The following PTPRT variants were observed in gnomAD, a reference collection of about 807,000 sequenced individuals.
PTPRT encodes the protein protein tyrosine phosphatase receptor type T.
PTPRT carries 56 observed loss-of-function variants against 176.8 expected under a neutral mutation model. The ratio of observed to expected loss-of-function variants is 0.32; its 90% CI spans 0.26 to 0.40. The LOEUF (loss-of-function observed/expected upper bound fraction) is 0.40, where lower values mean the gene tolerates loss of function less well. PTPRT is among the 10% of genes least tolerant of loss of function. The probability of loss-of-function intolerance (pLI) is 1.00; values close to 1 mark genes in which losing one functional copy is unlikely to be tolerated. For missense variants in PTPRT, 1,540 were observed against 1,908.2 expected (o/e 0.81, Z 3.60); for synonymous variants, 783 against 739.0 (o/e 1.06, Z -0.96).
chr20:42,473,163 C>T (rs533451850), intron 7 of PTPRT, among the ~76,000 whole-genome samples: 1 of 152,126 alleles, frequency 6.6e-6, no homozygotes, highest in Non-Finnish European at 1.5e-5. Context: ...ATTTCCTAAC[C>T]TCCTACAACA....
intron 1 of PTPRT, among the ~76,000 whole-genome samples, chr20:43,150,215 C>T (rs917383012): frequency 6.6e-6 from 1 of 152,190 alleles, no homozygotes; most frequent in African/African-American, 2.4e-5. Context: ...CCCTAGGTAG[C>T]CACACTCGAA....
At chr20:42,278,140 A>G (rs2057078753) in intron 13 of PTPRT, among the ~76,000 whole-genome samples, 1 of 106,746 alleles carries the variant, frequency 9.4e-6, no homozygotes, top group African/African-American at 3.5e-5. Context: ...TATATTTGCA[A>G]GTTGTGATGA....
intron 7 of PTPRT, among the ~76,000 whole-genome samples, chr20:42,534,178 T>A (rs971001483): frequency 1.3e-5 from 2 of 152,208 alleles, no homozygotes; most frequent in Non-Finnish European, 2.9e-5. Context: ...CTGTGTTCAC[T>A]TGAAATATCC....
At chr20:42,169,519 G>A (rs1284637638) in intron 16 of PTPRT, among the ~76,000 whole-genome samples, 1 of 151,992 alleles carries the variant, frequency 6.6e-6, no homozygotes, top group Non-Finnish European at 1.5e-5. Flanking sequence ...ACACATGCCA[G>A]GATGGTATGG....
intron 7 of PTPRT, among the ~76,000 whole-genome samples, chr20:42,619,309 C>T (rs1304125812): frequency 1.8e-4 from 24 of 132,654 alleles, no homozygotes; most frequent in East Asian, 4.1e-4. Flanking sequence ...CTGAGAGATC[C>T]GCTGTTAGTC....
chr20:43,127,348 G>A (rs11905572), intron 1 of PTPRT, among the ~76,000 whole-genome samples: 128 of 151,786 alleles, frequency 8.4e-4, no homozygotes, highest in African/African-American at 2.9e-3. Context: ...GCGTGAACCT[G>A]GGAGGCGAAG....
intron 18 of PTPRT, among the ~76,000 whole-genome samples, chr20:42,131,069 G>T (rs1988100767): frequency 6.6e-6 from 1 of 152,170 alleles, no homozygotes; most frequent in Non-Finnish European, 1.5e-5. Flanking sequence ...GGACTTCTCG[G>T]TTAGGTTTAT....
chr20:42,202,613 G>C (rs1043031018), intron 15 of PTPRT, among the ~76,000 whole-genome samples: 1 of 152,202 alleles, frequency 6.6e-6, no homozygotes, highest in Non-Finnish European at 1.5e-5. Flanking sequence ...GTTTAAAAAT[G>C]TATATGTGAC....
At chr20:42,774,884 G>A (rs971160137) in intron 4 of PTPRT, among the ~76,000 whole-genome samples, 5 of 152,108 alleles carry the variant, frequency 3.3e-5, no homozygotes, top group Non-Finnish European at 5.9e-5. Context: ...GGGCCTGTAT[G>A]GTCCTCTTCC....
At chr20:42,039,117 C>T in the PTPRT span, among the ~76,000 whole-genome samples, 1 of 152,112 alleles carries the variant, frequency 6.6e-6, no homozygotes, top group Non-Finnish European at 1.5e-5. Flanking sequence ...CTTCTCAGAG[C>T]ACAGTTTCAG....
intron 9 of PTPRT, among the ~76,000 whole-genome samples, chr20:42,390,022 G>A (rs1201479615): frequency 3.3e-5 from 5 of 152,102 alleles, no homozygotes; most frequent in Middle Eastern, 3.4e-3. Flanking sequence ...TGTGGTATTC[G>A]GTTATATCAG....
chr20:42,227,897 C>T (rs2056054613), intron 15 of PTPRT, among the ~76,000 whole-genome samples: 1 of 152,156 alleles, frequency 6.6e-6, no homozygotes, highest in Non-Finnish European at 1.5e-5. Flanking sequence ...GCATGAGCCA[C>T]CACGCCCAGC....
Position 42,616,513 on chromosome 20 carries a change from G to A in PTPRT, c.1153+61353C>T, listed in dbSNP as rs1296737516. ...GCTTGATGGGGATGGCATTGAAACT[G>A]TAAATTACCTTGGGCAGTATGGCCA... On this transcript the variant is annotated intron_variant, in intron 7 of 30. Coordinates refer to ENST00000373187, the MANE Select transcript of PTPRT (RefSeq NM_007050.6). 4.6e-3 allele frequency among the ~76,000 whole-genome samples: 585 copies of A among 127,680 alleles called. 97 individuals are homozygous for A. The highest frequency in any genetic ancestry group is 0.02 in the African/African-American group (547 of 27,344). The allele number at this position is 127,680 out of a possible 152,430, so 83.8% of individuals were successfully genotyped here.
In PTPRT at chr20:42,313,459, G is replaced by A. The variant is rs73909271; in HGVS notation, c.2139+2264C>T. Among the ~76,000 whole-genome samples, 619 of 152,116 alleles carry A rather than the reference G, an allele frequency of 4.1e-3. 3 individuals are homozygous for A. Among genetic ancestry groups the A allele is most frequent in the African/African-American group, 0.014 (586 of 41,512 alleles). ...TAACAAAACCTCTGTGGTTGGCTCAGGGCCAACCACTCTTATGGTGAGGAC... is the reference window on the plus strand; with the variant it reads ...TAACAAAACCTCTGTGGTTGGCTCAAGGCCAACCACTCTTATGGTGAGGAC... On this transcript the variant is annotated intron_variant, in intron 12 of 30. Transcript: ENST00000373187.
At chr20:42,901,779 C>A (rs2079407739) in intron 1 of PTPRT, among the ~76,000 whole-genome samples, 1 of 152,220 alleles carries the variant, frequency 6.6e-6, no homozygotes, top group Admixed American at 6.5e-5. Flanking sequence ...ATAGAGAAAC[C>A]AATGTCTTTC....
chr20:42,233,556 G>C (rs1453172026), intron 15 of PTPRT, among the ~76,000 whole-genome samples: 3 of 152,174 alleles, frequency 2.0e-5, no homozygotes. Flanking sequence ...CTCCCCTCCT[G>C]TATAAATGAT....
chr20:42,613,694 T>G (rs1182609961), intron 7 of PTPRT, among the ~76,000 whole-genome samples: 1 of 152,142 alleles, frequency 6.6e-6, no homozygotes, highest in Admixed American at 6.5e-5. Flanking sequence ...AGAGACAGAT[T>G]CTATGAGCTA....
chr20:42,404,645 T>C (rs923716656), intron 9 of PTPRT, among the ~76,000 whole-genome samples: 1 of 152,076 alleles, frequency 6.6e-6, no homozygotes, highest in Non-Finnish European at 1.5e-5. Flanking sequence ...CTAGTCTACA[T>C]TGCACATAAG....
chr20:43,028,607 G>A (rs141486668), intron 1 of PTPRT, among the ~76,000 whole-genome samples: 3 of 152,200 alleles, frequency 2.0e-5, no homozygotes, highest in Admixed American at 6.5e-5. Context: ...AGGTCACAAA[G>A]CATCTCTAGA....
Sources: allele counts gnomAD v4.1 joint callset (sites outside exome capture counted in the v4.1 genomes callset), GRCh38; gene constraint gnomAD v4.1.1; transcripts MANE v1.5; gene names NCBI Gene and HGNC (gene_info 2026-07-23, HGNC 2026-07-21).